Variants in HECW2 observed in about 807,000 individuals in gnomAD.
HECW2 encodes E3 ubiquitin-protein ligase HECW2.
HECW2 carries 61 observed loss-of-function variants against 175.2 expected under a neutral mutation model. That is an observed-to-expected ratio of 0.35 (90% CI 0.28 to 0.43). The LOEUF (loss-of-function observed/expected upper bound fraction) is 0.43, where lower values mean the gene tolerates loss of function less well. Ranked by LOEUF, HECW2 falls within the 20% of genes least tolerant of loss-of-function variation. HECW2 has a pLI of 1.00. For missense variants in HECW2, 1,524 were observed against 2,000.5 expected (o/e 0.76, Z 4.54); for synonymous variants, 671 against 731.0 (o/e 0.92, Z 1.32).
intron 1 of HECW2, among the ~76,000 whole-genome samples, chr2:196,559,547 T>A (rs1318669328): frequency 6.6e-6 from 1 of 152,194 alleles, no homozygotes; most frequent in Admixed American, 6.5e-5. Context: ...TGCAGTGTCA[T>A]GGAACAGACG....
intron 25 of HECW2, 144 bp downstream of exon 25, chr2:196,220,651 A>T: frequency 1.2e-6 from 1 of 842,432 alleles, no homozygotes; most frequent in Middle Eastern, 2.3e-4. Context: ...CTTGAAACAT[A>T]AGGGAAAAAA....
intron 28 of HECW2, among the ~76,000 whole-genome samples, chr2:196,204,604 A>G (rs1386380416): frequency 6.6e-6 from 1 of 152,244 alleles, no homozygotes; most frequent in African/African-American, 2.4e-5. Flanking sequence ...TTGTGAGACC[A>G]TGAGCAGAAG....
chr2:196,514,137 C>T (rs1475146484), intron 1 of HECW2, among the ~76,000 whole-genome samples: 2 of 152,220 alleles, frequency 1.3e-5, no homozygotes, highest in African/African-American at 4.8e-5. Flanking sequence ...GCTCCCCAAC[C>T]CCATAGTCTC....
chr2:196,281,859 T>C lies in HECW2; in HGVS notation c.3001-3197A>G, dbSNP rs574911381. ...AAAAGACAAGCCTGGTTCTGAGCTCTAGTTTGCTACTCACTAGCAATGTCA... is the reference window on the plus strand; with the variant it reads ...AAAAGACAAGCCTGGTTCTGAGCTCCAGTTTGCTACTCACTAGCAATGTCA... On this transcript the variant is annotated intron_variant, in intron 14 of 28. Transcript: ENST00000644978. Among the ~76,000 whole-genome samples the C allele has an allele frequency of 7.9e-5, 12 of 152,198 alleles. No individual in the cohort carries two copies. The East Asian group carries it at 2.1e-3, about 27-fold the overall frequency.
intron 1 of HECW2, among the ~76,000 whole-genome samples, chr2:196,494,245 G>A (rs1171490838): frequency 1.3e-5 from 2 of 152,150 alleles, no homozygotes; most frequent in Non-Finnish European, 2.9e-5. Context: ...AAAGCAACAT[G>A]TATGTCAAGC....
At chr2:196,356,271 G>A (rs773423607) in intron 2 of HECW2, among the ~76,000 whole-genome samples, 3 of 152,198 alleles carry the variant, frequency 2.0e-5, no homozygotes, top group Non-Finnish European at 4.4e-5. Context: ...AATGAGGAGA[G>A]TAAAACAGGA....
intron 15 of HECW2, among the ~76,000 whole-genome samples, chr2:196,277,486 G>T (rs1307581957): frequency 2.0e-5 from 3 of 152,312 alleles, no homozygotes; most frequent in Admixed American, 6.5e-5. Context: ...ATAGGTGCTG[G>T]AGAGGATGTG....
intron 2 of HECW2, among the ~76,000 whole-genome samples, chr2:196,356,205 A>G (rs1693361178): frequency 6.6e-6 from 1 of 152,232 alleles, no homozygotes; most frequent in Non-Finnish European, 1.5e-5. Context: ...TGATTCACTC[A>G]TTTAAACCTC....
At chr2:196,521,086 C>T (rs78680147) in intron 1 of HECW2, among the ~76,000 whole-genome samples, 1,860 of 151,952 alleles carry the variant, frequency 0.012, 43 homozygotes, top group African/African-American at 0.043. Flanking sequence ...AACAAGCTAA[C>T]GTAGTAGGTA....
intron 1 of HECW2, among the ~76,000 whole-genome samples, chr2:196,556,367 GTCA>G (rs1689795177): frequency 6.6e-6 from 1 of 152,046 alleles, no homozygotes; most frequent in African/African-American, 2.4e-5. Flanking sequence ...ATTCACTATA[GTCA>G]TCATGCTGTA....
intron 2 of HECW2, among the ~76,000 whole-genome samples, chr2:196,368,702 A>C (rs183458580): frequency 3.6e-4 from 54 of 152,054 alleles, no homozygotes; most frequent in African/African-American, 1.3e-3. Flanking sequence ...GTGTTTTCAA[A>C]TAGCCTGTCT....
intron 17 of HECW2, 125 bp downstream of exon 17, chr2:196,271,068 C>A: frequency 3.1e-6 from 2 of 637,686 alleles, no homozygotes; most frequent in South Asian, 2.0e-5. Flanking sequence ...AAAATATTTG[C>A]ATACAAGATG....
chr2:196,241,141 T>G (rs946317033), intron 20 of HECW2, among the ~76,000 whole-genome samples: 2 of 152,212 alleles, frequency 1.3e-5, no homozygotes, highest in African/African-American at 4.8e-5. Context: ...GTTAATCTAC[T>G]TGTGATGATG....
intron 1 of HECW2, among the ~76,000 whole-genome samples, chr2:196,545,362 T>C (rs1476871984): frequency 1.3e-5 from 2 of 152,058 alleles, no homozygotes; most frequent in African/African-American, 2.4e-5. Context: ...CTGAGGGCCA[T>C]ATCAAAGAGA....
At chr2:196,479,186 CTA>C (rs1686763789) in intron 1 of HECW2, among the ~76,000 whole-genome samples, 1 of 152,192 alleles carries the variant, frequency 6.6e-6, no homozygotes, top group African/African-American at 2.4e-5. Context: ...ACTTCTAACT[CTA>C]TCTCAGCCAC....
intron 1 of HECW2, among the ~76,000 whole-genome samples, chr2:196,544,266 G>A (rs1689327783): frequency 6.6e-6 from 1 of 152,184 alleles, no homozygotes. Context: ...GCCTCTAGCA[G>A]GACCAAGTGC....
chr2:196,589,522 C>T (rs965771502), intron 1 of HECW2, among the ~76,000 whole-genome samples: 1 of 152,150 alleles, frequency 6.6e-6, no homozygotes, highest in African/African-American at 2.4e-5. Flanking sequence ...TCTCTGCGAC[C>T]CCTCTGTATG....
rs569667949 is a variant in HECW2, at chr2:196,194,440, G to A, written c.*6837C>T. On this transcript the variant is annotated 3_prime_UTR_variant, in exon 29 of 29. Coordinates refer to ENST00000644978, the MANE Select transcript of HECW2 (RefSeq NM_001348768.2). ...TGCAACATGGTTTTAAACAAAAATA[G>A]AGATCAGTATGAAAATAAAACAAAT... 3 of 151,912 alleles carry A rather than the reference G, an allele frequency of 2.0e-5. No homozygotes were observed. The highest frequency in any genetic ancestry group is 4.4e-5 in the Non-Finnish European group (3 of 67,962). 9.4% of individuals were successfully genotyped at this position (151,912 alleles called of 1,614,324 possible).
At chr2:196,517,337 C>T (rs1688186129) in intron 1 of HECW2, among the ~76,000 whole-genome samples, 2 of 152,158 alleles carry the variant, frequency 1.3e-5, no homozygotes, top group Non-Finnish European at 2.9e-5. Context: ...AAGAATCATA[C>T]CCTTTATACT....
Sources: allele counts gnomAD v4.1 joint callset (sites outside exome capture counted in the v4.1 genomes callset), GRCh38; gene constraint gnomAD v4.1.1; transcripts MANE v1.5; gene names NCBI Gene and HGNC (gene_info 2026-07-23, HGNC 2026-07-21).